Variants in PTPN13 observed in about 807,000 individuals in gnomAD.
PTPN13 encodes protein tyrosine phosphatase non-receptor type 13.
In PTPN13, 191 loss-of-function variants were observed where a neutral mutation model predicts 284.0. The ratio of observed to expected loss-of-function variants is 0.67; its 90% CI spans 0.60 to 0.76. The LOEUF is 0.76. Among genes scored for constraint, PTPN13 ranks in the 30% least tolerant of loss-of-function variants. The probability of loss-of-function intolerance (pLI) is 0.00; values close to 1 mark genes in which losing one functional copy is unlikely to be tolerated. For synonymous variants in PTPN13, 986 were observed against 1,022.3 expected, an observed-to-expected ratio of 0.96 and a Z score of 0.68; for missense variants, 2,797 against 2,939.9, an observed-to-expected ratio of 0.95 and a Z score of 1.12.
intron 16 of PTPN13, among the ~76,000 whole-genome samples, chr4:86,742,687 C>T (rs1218841377): frequency 2.6e-5 from 4 of 152,140 alleles, no homozygotes; most frequent in Non-Finnish European, 5.9e-5. Context: ...ATATGTTCTC[C>T]AGACCACCCA....
chr4:86,784,409 G>T, intron 37 of PTPN13, 56 bp from the exon 38 acceptor site: 3 of 1,212,114 alleles, frequency 2.5e-6, no homozygotes, highest in African/African-American at 1.5e-5. Flanking sequence ...GCAGTCCCCC[G>T]ATCCTGGAAG....
intron 2 of PTPN13, among the ~76,000 whole-genome samples, chr4:86,641,399 G>A (rs1723765619): frequency 6.6e-6 from 1 of 152,094 alleles, no homozygotes; most frequent in Non-Finnish European, 1.5e-5. Context: ...GTGCAAGCAT[G>A]CTACTGACAT....
intron 1 of PTPN13, among the ~76,000 whole-genome samples, chr4:86,628,271 C>G (rs1455006577): frequency 6.6e-6 from 1 of 152,074 alleles, no homozygotes; most frequent in East Asian, 1.9e-4. Context: ...TAGATATCCT[C>G]ATAGCTATGT....
intron 10 of PTPN13, 42 bp downstream of exon 10, chr4:86,722,476 C>T (rs746991001): frequency 2.6e-6 from 4 of 1,527,720 alleles, no homozygotes; most frequent in Non-Finnish European, 3.6e-6. Flanking sequence ...AACCTGCTCT[C>T]ACAGGGAACT....
chr4:86,713,784 T>C (rs1407318204), intron 7 of PTPN13, among the ~76,000 whole-genome samples: 1 of 152,128 alleles, frequency 6.6e-6, no homozygotes, highest in Non-Finnish European at 1.5e-5. Context: ...TTATCCTTTC[T>C]TGGGGCGTGA....
chr4:86,651,479 C>T (rs1361098065), intron 2 of PTPN13, among the ~76,000 whole-genome samples: 1 of 147,834 alleles, frequency 6.8e-6, no homozygotes, highest in African/African-American at 2.5e-5. Flanking sequence ...GTTTTAATAT[C>T]AGGGTAATAC....
At chr4:86,783,412 T>G (rs1741553675) in intron 37 of PTPN13, among the ~76,000 whole-genome samples, 1 of 152,154 alleles carries the variant, frequency 6.6e-6, no homozygotes, top group African/African-American at 2.4e-5. Context: ...CTCTTCTTTT[T>G]AAGTAATCAG....
At chr4:86,692,889 G>A (rs1052951564) in intron 5 of PTPN13, among the ~76,000 whole-genome samples, 10 of 152,060 alleles carry the variant, frequency 6.6e-5, no homozygotes, top group Non-Finnish European at 1.3e-4. Context: ...AGACCAGCCT[G>A]GCCAACATGG....
At chr4:86,676,005 T>C (rs1728233628) in intron 3 of PTPN13, among the ~76,000 whole-genome samples, 1 of 152,196 alleles carries the variant, frequency 6.6e-6, no homozygotes, top group Non-Finnish European at 1.5e-5. Flanking sequence ...TTTTTGAAAA[T>C]CAAGGATCAT....
In PTPN13 at chr4:86,769,875, G is replaced by T. The variant is rs1215775648; in HGVS notation, c.4596G>T (p.Arg1532Ser). 6.2e-7 allele frequency: 1 copy of T among 1,613,866 alleles called. No individual in the cohort carries two copies. Among genetic ancestry groups the T allele is most frequent in the Admixed American group, 1.7e-5 (1 of 59,996 alleles). ...AGCAAATTAATGCCAGCATAGTAAG[G>T]GTTAAAAAGCTCTTTCCTGGACAGC... ...IPEQINASIV[R>S]VKKLFPGQPA... Residue 1532 changes from arginine (R) to serine (S), a missense_variant, in exon 29 of 48, where the codon AGG (arginine) becomes AGT (serine). Transcript: ENST00000411767.
At chr4:86,780,181 T>G (rs1279165436) in intron 35 of PTPN13, among the ~76,000 whole-genome samples, 1 of 152,070 alleles carries the variant, frequency 6.6e-6, no homozygotes, top group Non-Finnish European at 1.5e-5. Context: ...GGTGGATTGC[T>G]TGAACTCAGG....
At chr4:86,616,447 T>A (rs1275435418) in intron 1 of PTPN13, among the ~76,000 whole-genome samples, 1 of 151,714 alleles carries the variant, frequency 6.6e-6, no homozygotes, top group Non-Finnish European at 1.5e-5. Context: ...GGAGTTGATA[T>A]AGTTTAGATG....
chr4:86,673,403 T>C (rs2044875474), intron 3 of PTPN13, among the ~76,000 whole-genome samples: 1 of 152,060 alleles, frequency 6.6e-6, no homozygotes, highest in Non-Finnish European at 1.5e-5. Flanking sequence ...CTCAGAGTAA[T>C]TGGTATGGGT....
At chr4:86,774,005 TG>T (rs1740310176) in intron 32 of PTPN13, among the ~76,000 whole-genome samples, 1 of 152,146 alleles carries the variant, frequency 6.6e-6, no homozygotes, top group South Asian at 2.1e-4. Context: ...TAGAAATATA[TG>T]AATTTTTTTT....
At chr4:86,621,449 T>G (rs1721231783) in intron 1 of PTPN13, among the ~76,000 whole-genome samples, 1 of 152,224 alleles carries the variant, frequency 6.6e-6, no homozygotes, top group Non-Finnish European at 1.5e-5. Flanking sequence ...ATCTCTCATC[T>G]GCAATTCAAA....
At chr4:86,775,030 AATAAAT>A in intron 33 of PTPN13, 135 bp from the exon 34 acceptor site, 2 of 557,042 alleles carry the variant, frequency 3.6e-6, no homozygotes, top group Non-Finnish European at 6.0e-6. Flanking sequence ...GGGGATTACC[AATAAAT>A]TAGAGATCAC....
chr4:86,747,546 A>AGCG lies in PTPN13; in HGVS notation c.2650+2421_2650+2423dup, dbSNP rs200567363. ...TAGCGGTAATAGTAGCAGCAGCAGC[A>AGCG]GCGGCAGCAGCAGCAGCAGCAGCAG... On this transcript the variant is annotated intron_variant, in intron 17 of 47. Coordinates refer to ENST00000411767, the MANE Select transcript of PTPN13 (RefSeq NM_080683.3). Among the ~76,000 whole-genome samples the AGCG allele has an allele frequency of 4.7e-5, 7 of 148,822 alleles. No individual in the cohort carries two copies. In the East Asian group the frequency reaches 1.4e-3, roughly 29 times the overall value.
At chr4:86,699,020 G>A (rs1344431380) in intron 6 of PTPN13, among the ~76,000 whole-genome samples, 2 of 152,044 alleles carry the variant, frequency 1.3e-5, no homozygotes, top group South Asian at 2.1e-4. Context: ...AAATTATGAG[G>A]GGGGAATCCA....
chr4:86,701,813 TG>T lies in PTPN13; in HGVS notation c.1195+13del, dbSNP rs772646799. ...CATGAATGTAGAAGGTTAGTAATTC[TG>T]TGCATGTTTGAGAAAGAATTGAAGT... On this transcript the variant is annotated intron_variant, in intron 7 of 47. Coordinates refer to ENST00000411767, the MANE Select transcript of PTPN13 (RefSeq NM_080683.3). 1.3e-6 allele frequency: 2 copies of T among 1,564,088 alleles called. No homozygotes were observed. The highest frequency in any genetic ancestry group is 1.7e-6 in the Non-Finnish European group (2 of 1,156,638).
Sources: gnomAD v4.1 joint callset for allele counts (sites outside exome capture counted in the v4.1 genomes callset) on GRCh38, gnomAD v4.1.1 for gene constraint, MANE v1.5 for transcripts, NCBI Gene and HGNC (gene_info 2026-07-23, HGNC 2026-07-21) for gene names.